The following CC2D2B variants were observed in gnomAD, a reference collection of about 807,000 sequenced individuals.
The protein encoded by CC2D2B is coiled-coil and C2 domain containing 2B.
CC2D2B carries 128 observed loss-of-function variants against 161.2 expected under a neutral mutation model. The observed-to-expected ratio is 0.79, with a 90% CI of 0.69 to 0.92. CC2D2B has a LOEUF of 0.92. Ranked by LOEUF, CC2D2B falls within the 40% of genes least tolerant of loss-of-function variation. CC2D2B has a pLI of 0.00. For synonymous variants in CC2D2B, 391 were observed against 449.8 expected (o/e 0.87, Z 1.65); for missense variants, 1,173 against 1,375.1 (o/e 0.85, Z 2.32).
intron 24 of CC2D2B, among the ~76,000 whole-genome samples, chr10:96,000,569 T>G (rs942059384): frequency 6.6e-6 from 1 of 152,058 alleles, no homozygotes; most frequent in Non-Finnish European, 1.5e-5. Flanking sequence ...TTTCACCATG[T>G]TAGTCAGGAT....
At chr10:95,968,148 G>A (rs1211896669) in intron 14 of CC2D2B, among the ~76,000 whole-genome samples, 1 of 151,502 alleles carries the variant, frequency 6.6e-6, no homozygotes, top group Non-Finnish European at 1.5e-5. Context: ...TGGGTTCAGA[G>A]ATAGGGTGGC....
intron 6 of CC2D2B, among the ~76,000 whole-genome samples, chr10:95,935,979 T>C (rs946063456): frequency 1.3e-5 from 2 of 152,192 alleles, no homozygotes; most frequent in Non-Finnish European, 2.9e-5. Flanking sequence ...ATTAAATGGG[T>C]ATCAAACTTT....
chr10:96,004,727 G>A (rs964020619), intron 25 of CC2D2B, among the ~76,000 whole-genome samples: 2 of 152,162 alleles, frequency 1.3e-5, no homozygotes, highest in Admixed American at 6.5e-5. Flanking sequence ...CAGCACCCTA[G>A]CAAGCTCCAA....
Position 95,949,581 on chromosome 10 carries a change from G to A in CC2D2B, c.802-315G>A, listed in dbSNP as rs958385886. Among the ~76,000 whole-genome samples, 10 of 129,066 alleles carry A rather than the reference G, an allele frequency of 7.7e-5. No individual in the cohort carries two copies. In the East Asian group the frequency reaches 1.6e-3, roughly 21 times the overall value. 84.7% of individuals were successfully genotyped at this position (129,066 alleles called of 152,430 possible). Reference sequence around the variant, plus strand: ...TAGATGACACGTTAGTGGGTGCAGCGCACCAGCATGGCACATGTATACATA... The same window carrying A: ...TAGATGACACGTTAGTGGGTGCAGCACACCAGCATGGCACATGTATACATA... On this transcript the variant is annotated intron_variant, in intron 9 of 34. Transcript: ENST00000646931.
intron 25 of CC2D2B, among the ~76,000 whole-genome samples, chr10:96,007,122 C>T (rs948817821): frequency 1.5e-4 from 23 of 151,954 alleles, no homozygotes; most frequent in Admixed American, 1.4e-3. Context: ...ATTTCATCAC[C>T]CAGGTATTAA....
At chr10:95,939,458 C>G (rs2075946419) in intron 9 of CC2D2B, among the ~76,000 whole-genome samples, 1 of 145,750 alleles carries the variant, frequency 6.9e-6, no homozygotes, top group Admixed American at 7.2e-5. Flanking sequence ...ATTTGCACAT[C>G]TTCTGATAAC....
chr10:95,974,921 CAT>C (rs2077261835), intron 17 of CC2D2B, among the ~76,000 whole-genome samples: 1 of 152,114 alleles, frequency 6.6e-6, no homozygotes, highest in Admixed American at 6.6e-5. Context: ...ATGGTGGATA[CAT>C]GTCATTACAC....
At chr10:95,947,088 T>A (rs1368436518) in intron 9 of CC2D2B, among the ~76,000 whole-genome samples, 1,849 of 28,384 alleles carry the variant, frequency 0.065, 123 homozygotes, top group African/African-American at 0.17. Flanking sequence ...CAAAAATATA[T>A]ATATATATAT....
At chr10:96,029,421 A>C (rs1196771353) in intron 34 of CC2D2B, among the ~76,000 whole-genome samples, 1 of 151,580 alleles carries the variant, frequency 6.6e-6, no homozygotes, top group Non-Finnish European at 1.5e-5. Flanking sequence ...ACCATGTTGC[A>C]TGGCATTAAC....
intron 17 of CC2D2B, among the ~76,000 whole-genome samples, chr10:95,976,725 C>T (rs901895826): frequency 7.2e-5 from 11 of 152,142 alleles, no homozygotes; most frequent in Non-Finnish European, 7.3e-5. Flanking sequence ...AGTAGTGAAC[C>T]GAAAGAGAGT....
chr10:95,927,633 C>G (rs560285550), intron 6 of CC2D2B, among the ~76,000 whole-genome samples: 1 of 152,136 alleles, frequency 6.6e-6, no homozygotes, highest in East Asian at 1.9e-4. Context: ...GAGGGTTAAG[C>G]CTTGATACAG....
intron 20 of CC2D2B, among the ~76,000 whole-genome samples, chr10:95,990,467 A>G (rs1228183582): frequency 1.3e-5 from 2 of 152,204 alleles, no homozygotes; most frequent in African/African-American, 4.8e-5. Flanking sequence ...AGGAACAGCC[A>G]GGAGCTCAGC....
At chr10:96,019,018 G>C (rs1349844923) in intron 30 of CC2D2B, 185 bp from the exon 31 acceptor site, 1 of 497,140 alleles carries the variant, frequency 2.0e-6, no homozygotes, top group African/African-American at 2.0e-5. Context: ...TGTTGCCCAG[G>C]CTGGTCTCAA....
rs1564691732 is a variant in CC2D2B at position 96,032,023 on chromosome 10, A to G, written c.*15A>G. ...AACATCAATGAAAAGGAAGCAGAGC[A>G]AAGTAAAAGATTGTACTATAGTCCT... On this transcript the variant is annotated 3_prime_UTR_variant, in exon 35 of 35. Transcript: ENST00000646931. 6.2e-7 allele frequency: 1 copy of G among 1,600,848 alleles called. No homozygotes were observed. Among genetic ancestry groups the G allele is most frequent in the Non-Finnish European group, 8.5e-7 (1 of 1,170,276 alleles).
At chr10:95,939,104 T>TA (rs759697182) in intron 9 of CC2D2B, among the ~76,000 whole-genome samples, 179 bp downstream of exon 9, 5 of 152,086 alleles carry the variant, frequency 3.3e-5, no homozygotes, top group Non-Finnish European at 5.9e-5. Flanking sequence ...TATTGAATGA[T>TA]ATGGGGAAAT....
At chr10:96,031,705 T>G (rs562853312) in intron 34 of CC2D2B, 115 bp from the exon 35 acceptor site, 23 of 912,714 alleles carry the variant, frequency 2.5e-5, no homozygotes, top group South Asian at 1.1e-4. Flanking sequence ...CAGACAACTA[T>G]TATAGTATTT....
intron 32 of CC2D2B, chr10:96,020,672 G>C (rs1041837861): frequency 6.6e-6 from 1 of 152,158 alleles, no homozygotes; most frequent in Non-Finnish European, 1.5e-5. Flanking sequence ...TTAGGCAAAA[G>C]ACAATTCATA....
chr10:95,992,773 T>G (rs2078004900), intron 22 of CC2D2B, 76 bp downstream of exon 22: 1 of 969,128 alleles, frequency 1.0e-6, no homozygotes, highest in African/African-American at 1.7e-5. Context: ...GCTGTTCTAT[T>G]TGTAAACCTT....
At chr10:95,980,429 G>A (rs1048538822) in intron 17 of CC2D2B, among the ~76,000 whole-genome samples, 2 of 152,100 alleles carry the variant, frequency 1.3e-5, no homozygotes, top group African/African-American at 4.8e-5. Flanking sequence ...TGTTGTTGTT[G>A]TTGTTGTTGT....
Sources: gnomAD v4.1 joint callset for allele counts (sites outside exome capture counted in the v4.1 genomes callset) on GRCh38, gnomAD v4.1.1 for gene constraint, MANE v1.5 for transcripts, NCBI Gene and HGNC (gene_info 2026-07-23, HGNC 2026-07-21) for gene names.